The following GNAL variants were observed in gnomAD, a reference collection of about 807,000 sequenced individuals.
GNAL encodes the protein guanine nucleotide-binding protein G(olf) subunit alpha.
A neutral mutation model predicts 55.1 loss-of-function variants in GNAL; 18 were observed. The ratio of observed to expected loss-of-function variants is 0.33; its 90% CI spans 0.23 to 0.48. The LOEUF (loss-of-function observed/expected upper bound fraction) is 0.48. GNAL is among the 20% of genes least tolerant of loss of function. GNAL has a pLI of 0.99. For synonymous variants in GNAL, 253 were observed against 237.0 expected (o/e 1.07, Z -0.62); for missense variants, 412 against 614.1 (o/e 0.67, Z 3.48).
intron 11 of GNAL, among the ~76,000 whole-genome samples, chr18:11,880,214 A>ACG (rs1567908588): frequency 1.7e-4 from 25 of 151,126 alleles, no homozygotes; most frequent in Non-Finnish European, 2.8e-4. Flanking sequence ...CCGAGATGGC[A>ACG]CCACTGCACT....
chr18:11,840,875 C>CTTTT (rs112505457), intron 5 of GNAL, among the ~76,000 whole-genome samples: 1 of 137,028 alleles, frequency 7.3e-6, no homozygotes, highest in African/African-American at 2.7e-5. Context: ...TTTTTCTTTT[C>CTTTT]TTTTTTTTTT....
At chr18:11,816,049 A>G (rs1318455097) in intron 4 of GNAL, among the ~76,000 whole-genome samples, 1 of 152,220 alleles carries the variant, frequency 6.6e-6, no homozygotes, top group Non-Finnish European at 1.5e-5. Flanking sequence ...TGCAACCACC[A>G]TGGAAAACAA....
Position 11,884,875 on chromosome 18 carries a change from T to C in GNAL, c.*3740T>C. ...CCTGAGTGGAAAATGTCTGGGACAC[T>C]GACCTGTCAAAACTGGCCCCTGGCT... On this transcript the variant is annotated 3_prime_UTR_variant, in exon 12 of 12. Transcript: ENST00000334049. 1 of 1,341,296 alleles carries C rather than the reference T, an allele frequency of 7.5e-7. No individual in the cohort carries two copies. The highest frequency in any genetic ancestry group is 9.6e-7 in the Non-Finnish European group (1 of 1,040,484). The allele number at this position is 1,341,296 out of a possible 1,614,324, so 83.1% of individuals were successfully genotyped here. A position where few individuals can be genotyped will look rare whatever the true frequency, so the allele number is the denominator to read the frequency against.
At chr18:11,834,932 C>A (rs1047833476) in intron 5 of GNAL, among the ~76,000 whole-genome samples, 1 of 152,184 alleles carries the variant, frequency 6.6e-6, no homozygotes, top group Non-Finnish European at 1.5e-5. Flanking sequence ...TTGGGCAAAG[C>A]AGGGTGTGCA....
chr18:11,870,559 A>G (rs941538229), intron 9 of GNAL, among the ~76,000 whole-genome samples: 7 of 152,018 alleles, frequency 4.6e-5, no homozygotes, highest in African/African-American at 1.2e-4. Flanking sequence ...TTTGAAAATA[A>G]ATAAAGTACC....
intron 4 of GNAL, among the ~76,000 whole-genome samples, chr18:11,811,060 AT>A (rs2034801094): frequency 6.6e-6 from 1 of 152,050 alleles, no homozygotes; most frequent in South Asian, 2.1e-4. Context: ...TGTTTCTAGA[AT>A]TTCCTTTACT....
rs758967526 is a variant in GNAL, at chr18:11,851,654, C to G, written c.723-10741C>G. On this transcript the variant is annotated intron_variant, in intron 5 of 11. Transcript: ENST00000334049. Reference sequence around the variant, plus strand: ...ATTCAGAAGGGCAACATGGAAGTTGCGAGGATACACGCCGAAAATGCCATC... The same window carrying G: ...ATTCAGAAGGGCAACATGGAAGTTGGGAGGATACACGCCGAAAATGCCATC... The G allele has an allele frequency of 6.2e-6, 10 of 1,613,862 alleles. No individual in the cohort carries two copies. In the East Asian group the frequency reaches 1.1e-4, roughly 18 times the overall value.
chr18:11,819,969 A>G (rs2035051784), intron 4 of GNAL, among the ~76,000 whole-genome samples: 1 of 152,140 alleles, frequency 6.6e-6, no homozygotes, highest in Admixed American at 6.6e-5. Context: ...ATAAAAAAAA[A>G]AGTTAGAGTT....
chr18:11,745,114 A>G (rs1184594665), intron 1 of GNAL, among the ~76,000 whole-genome samples: 5 of 152,090 alleles, frequency 3.3e-5, no homozygotes, highest in Non-Finnish European at 7.4e-5. Context: ...TACATTTTCT[A>G]TCTATTGTTT....
Position 11,885,063 on chromosome 18 carries a change from G to T in GNAL, c.*3928G>T, listed in dbSNP as rs2036980647. On this transcript the variant is annotated 3_prime_UTR_variant, in exon 12 of 12. Coordinates refer to ENST00000334049, the MANE Select transcript of GNAL (RefSeq NM_182978.4). ...TGTTCCCTAGAAATACATGTGTCCA[G>T]GTCGTCTCCATGGGCTTTTCTTTGC... is the stretch of plus-strand genomic sequence containing the variant. 3 of 1,288,934 alleles carry T rather than the reference G, an allele frequency of 2.3e-6. No homozygotes were observed. Among genetic ancestry groups the T allele is most frequent in the Non-Finnish European group, 3.0e-6 (3 of 989,618 alleles). 79.8% of individuals were successfully genotyped at this position (1,288,934 alleles called of 1,614,324 possible).
At chr18:11,698,984 A>G (rs1477397018) in intron 1 of GNAL, among the ~76,000 whole-genome samples, 1 of 152,172 alleles carries the variant, frequency 6.6e-6, no homozygotes, top group Non-Finnish European at 1.5e-5. Context: ...TAATTTGTCT[A>G]TGAAAAGTTT....
At chr18:11,697,929 T>A (rs73944237) in intron 1 of GNAL, among the ~76,000 whole-genome samples, 1,868 of 152,136 alleles carry the variant, frequency 0.012, 37 homozygotes, top group African/African-American at 0.043. Flanking sequence ...GATGGATGTG[T>A]CACCCAGAGT....
Position 11,823,147 on chromosome 18 carries a change from CGT to C in GNAL, c.625-1759_625-1758del, listed in dbSNP as rs139501905. 3.3e-5 allele frequency among the ~76,000 whole-genome samples: 5 copies of C among 151,874 alleles called. No individual in the cohort carries two copies. In the South Asian group the frequency reaches 6.3e-4, roughly 19 times the overall value. On this transcript the variant is annotated intron_variant, in intron 4 of 11. Transcript: ENST00000334049. Reference sequence around the variant, plus strand: ...GCATAATGCAGGATTGATCTTTACACGTGTGTGTGTGTGACGTGTGCGTGTGT... The same window carrying C: ...GCATAATGCAGGATTGATCTTTACACGTGTGTGTGTGACGTGTGCGTGTGT...
Position 11,765,323 on chromosome 18 carries a change from G to A in GNAL, c.624+11378G>A, listed in dbSNP as rs561414245. On this transcript the variant is annotated intron_variant, in intron 4 of 11. Coordinates refer to ENST00000334049, the MANE Select transcript of GNAL (RefSeq NM_182978.4). Reference sequence around the variant, plus strand: ...ATAGTTGTACATGTTTATAGGGTACGTGTGATATTTTGATGCAAGCATACA... The same window carrying A: ...ATAGTTGTACATGTTTATAGGGTACATGTGATATTTTGATGCAAGCATACA... Among the ~76,000 whole-genome samples, 127 of 152,296 alleles carry A rather than the reference G, an allele frequency of 8.3e-4. 1 individual carries two copies. The highest frequency in any genetic ancestry group is 3.0e-3 in the African/African-American group (124 of 41,542).
intron 4 of GNAL, among the ~76,000 whole-genome samples, chr18:11,798,191 G>A (rs2034439095): frequency 6.6e-6 from 1 of 152,178 alleles, no homozygotes; most frequent in South Asian, 2.1e-4. Context: ...AACACAGTGA[G>A]ACACCATCTC....
chr18:11,783,538 T>A (rs1278437074), intron 4 of GNAL, among the ~76,000 whole-genome samples: 2 of 152,222 alleles, frequency 1.3e-5, no homozygotes, highest in African/African-American at 4.8e-5. Flanking sequence ...GTGGTGAGAC[T>A]TCTTTTAATG....
chr18:11,882,736 G>A lies in GNAL; in HGVS notation c.*1601G>A, dbSNP rs1422447162. 2.0e-5 allele frequency: 3 copies of A among 149,906 alleles called. No homozygotes were observed. The highest frequency in any genetic ancestry group is 4.4e-5 in the Non-Finnish European group (3 of 67,778). 9.3% of individuals were successfully genotyped at this position (149,906 alleles called of 1,614,324 possible). ...CGTGTCAATGTTTGTGTCTGGCCTA[G>A]GAGAATGAGGATGACAGCTTCACTT... On this transcript the variant is annotated 3_prime_UTR_variant, in exon 12 of 12. Transcript: ENST00000334049.
intron 5 of GNAL, chr18:11,857,724 T>G: frequency 1.0e-6 from 1 of 985,372 alleles, no homozygotes; most frequent in Non-Finnish European, 1.2e-6. Flanking sequence ...GGAACCCCTT[T>G]TAAGGAGCAG....
intron 2 of GNAL, 82 bp downstream of exon 2, chr18:11,753,007 A>C: frequency 1.4e-6 from 1 of 713,112 alleles, no homozygotes; most frequent in Non-Finnish European, 2.5e-6. Flanking sequence ...TCTCTAAACA[A>C]TTTTAATTTA....
Sources: gnomAD v4.1 joint callset for allele counts (sites outside exome capture counted in the v4.1 genomes callset) on GRCh38, gnomAD v4.1.1 for gene constraint, MANE v1.5 for transcripts, NCBI Gene and HGNC (gene_info 2026-07-23, HGNC 2026-07-21) for gene names.